The following NTM variants were observed in gnomAD, a reference collection of about 807,000 sequenced individuals.
NTM encodes the protein IgLON family member 2.
NTM carries 13 observed loss-of-function variants against 42.1 expected under a neutral mutation model. That is an observed-to-expected ratio of 0.31 (90% CI 0.20 to 0.49). NTM has a LOEUF of 0.49. Ranked by LOEUF, NTM falls within the 20% of genes least tolerant of loss-of-function variation. The pLI is 0.99. For synonymous variants in NTM, 187 were observed against 179.2 expected, an observed-to-expected ratio of 1.04 and a Z score of -0.35; for missense variants, 373 against 452.8, an observed-to-expected ratio of 0.82 and a Z score of 1.60.
At chr11:131,809,692 G>A (rs2092658483) in intron 1 of NTM, among the ~76,000 whole-genome samples, 1 of 152,130 alleles carries the variant, frequency 6.6e-6, no homozygotes, top group African/African-American at 2.4e-5. Context: ...TTTGATCTGA[G>A]GCAGCTGTCG....
intron 1 of NTM, among the ~76,000 whole-genome samples, chr11:131,447,625 C>T (rs1031360694): frequency 6.6e-6 from 1 of 152,090 alleles, no homozygotes. Flanking sequence ...TATTTGTTTC[C>T]ACGCTGCATT....
chr11:131,878,592 AAAATATATATATATATATATAT>A lies in NTM; in HGVS notation c.83-32970_83-32949del, dbSNP rs1461398462. 2.3e-4 allele frequency among the ~76,000 whole-genome samples: 6 copies of A among 26,290 alleles called. 1 individual carries two copies. The highest frequency in any genetic ancestry group is 5.9e-4 in the Admixed American group (1 of 1,696). The allele number at this position is 26,290 out of a possible 152,430, so 17.2% of individuals were successfully genotyped here. A position where few individuals can be genotyped will look rare whatever the true frequency, so the allele number is the denominator to read the frequency against. On this transcript the variant is annotated intron_variant, in intron 1 of 8. Transcript: ENST00000683400. The stretch of plus-strand genomic sequence containing the variant: ...CTCAAAAAAAAAAAAAAAAAAAAAA[AAAATATATATATATATATATAT>A]ATATATATATATATATATATATATA...
At chr11:132,333,368 C>T (rs746907985) in intron 8 of NTM, among the ~76,000 whole-genome samples, 3 of 152,188 alleles carry the variant, frequency 2.0e-5, no homozygotes, top group East Asian at 1.9e-4. Context: ...TGAAGGCATC[C>T]GGCGGAGGCT....
Position 131,691,039 on chromosome 11 carries a change from G to A in NTM, c.83-220525G>A, listed in dbSNP as rs370087634. On this transcript the variant is annotated intron_variant, in intron 1 of 8. Transcript: ENST00000683400. ...GCGGGGCCTTGCCCTTTCTGGAAGG[G>A]TGTGCGGTCTGGGTGGGCGAGTCTC... Among the ~76,000 whole-genome samples the A allele has an allele frequency of 3.1e-3, 468 of 152,332 alleles. 1 individual carries two copies. Among genetic ancestry groups the A allele is most frequent in the African/African-American group, 0.011 (442 of 41,572 alleles).
intron 2 of NTM, among the ~76,000 whole-genome samples, chr11:132,044,124 GTATA>G (rs1055035651): frequency 4.6e-4 from 21 of 45,696 alleles, no homozygotes; most frequent in African/African-American, 2.5e-3. Context: ...GTATGTGTGT[GTATA>G]TATGTGTGTG....
chr11:131,605,304 T>C (rs1201171343), intron 1 of NTM, among the ~76,000 whole-genome samples: 3 of 152,198 alleles, frequency 2.0e-5, no homozygotes, highest in Non-Finnish European at 4.4e-5. Flanking sequence ...TACTTTACTC[T>C]TTTTGATGTT....
intron 1 of NTM, among the ~76,000 whole-genome samples, chr11:131,821,827 A>G (rs941808371): frequency 1.3e-5 from 2 of 152,154 alleles, no homozygotes; most frequent in African/African-American, 4.8e-5. Context: ...CTGATCCATG[A>G]TAGTTTAGAA....
intron 1 of NTM, among the ~76,000 whole-genome samples, chr11:131,860,704 G>A (rs73587509): frequency 0.031 from 4,776 of 152,276 alleles, 250 homozygotes; most frequent in African/African-American, 0.11. Context: ...ATGCAAGCAG[G>A]CCTTTCTAAG....
In NTM at chr11:131,792,306, G is replaced by C. The variant is rs188512197; in HGVS notation, c.83-119258G>C. ...AAAATATTTGGTGGGTAATGCAACT[G>C]GTTCGTGTCCTGGAGTAAGTTTGGG... On this transcript the variant is annotated intron_variant, in intron 1 of 8. Coordinates refer to ENST00000683400, the MANE Select transcript of NTM (RefSeq NM_001352005.2). Among the ~76,000 whole-genome samples the C allele has an allele frequency of 5.3e-5, 8 of 152,280 alleles. No individual in the cohort carries two copies. In the East Asian group the frequency reaches 1.5e-3, roughly 29 times the overall value.
Position 131,914,313 on chromosome 11 carries a change from C to T in NTM, c.167+2665C>T, listed in dbSNP as rs535361907. On this transcript the variant is annotated intron_variant, in intron 2 of 8. Coordinates refer to ENST00000683400, the MANE Select transcript of NTM (RefSeq NM_001352005.2). ...TTCCATCTATCTTTCTTTCTTCTTC[C>T]GTTTGTTTTTTTCTGTTTTGACTAA... is the stretch of plus-strand genomic sequence containing the variant. Among the ~76,000 whole-genome samples, 14 of 151,958 alleles carry T rather than the reference C, an allele frequency of 9.2e-5. 1 individual carries two copies. The East Asian group carries it at 9.7e-4, about 11-fold the overall frequency.
intron 1 of NTM, among the ~76,000 whole-genome samples, chr11:131,456,704 A>G (rs1171121222): frequency 6.6e-6 from 1 of 152,150 alleles, no homozygotes; most frequent in Non-Finnish European, 1.5e-5. Flanking sequence ...GATAGAGAAA[A>G]TCCTGTCTAC....
intron 1 of NTM, among the ~76,000 whole-genome samples, chr11:131,467,840 G>A (rs1952041039): frequency 6.6e-6 from 1 of 152,226 alleles, no homozygotes; most frequent in South Asian, 2.1e-4. Flanking sequence ...TTTCCAGAGA[G>A]TCTGTGACCT....
intron 6 of NTM, among the ~76,000 whole-genome samples, chr11:132,310,594 T>A (rs1345591935): frequency 2.0e-5 from 3 of 152,072 alleles, no homozygotes; most frequent in Admixed American, 2.0e-4. Context: ...CAGGCTTGCG[T>A]AAAGGAGTTA....
intron 1 of NTM, among the ~76,000 whole-genome samples, chr11:131,569,492 CAT>C (rs752546489): frequency 5.3e-5 from 8 of 151,928 alleles, no homozygotes; most frequent in Non-Finnish European, 1.2e-4. Context: ...CTGGACATTT[CAT>C]ATGTCTTTTA....
intron 1 of NTM, among the ~76,000 whole-genome samples, chr11:131,613,732 AGGAGACGT>A (rs1386421523): frequency 6.6e-6 from 1 of 152,112 alleles, no homozygotes; most frequent in African/African-American, 2.4e-5. Context: ...CCCGGTTCAC[AGGAGACGT>A]GGAGACTCCG....
At chr11:132,090,375 A>G (rs948580035) in intron 2 of NTM, among the ~76,000 whole-genome samples, 1 of 151,950 alleles carries the variant, frequency 6.6e-6, no homozygotes, top group Admixed American at 6.6e-5. Flanking sequence ...AGGTTTTATA[A>G]TCTCCCTTTC....
chr11:131,413,275 T>C (rs1474816576), intron 1 of NTM, among the ~76,000 whole-genome samples: 1 of 152,272 alleles, frequency 6.6e-6, no homozygotes, highest in Non-Finnish European at 1.5e-5. Context: ...AAAATATTTA[T>C]GTATTGAAAG....
intron 2 of NTM, among the ~76,000 whole-genome samples, chr11:132,118,970 ATAG>A (rs2064306680): frequency 6.6e-6 from 1 of 152,116 alleles, no homozygotes; most frequent in Admixed American, 6.5e-5. Flanking sequence ...TAGATAGTGT[ATAG>A]TAGAAGCGCC....
At chr11:131,691,414 T>C (rs1250530836) in intron 1 of NTM, among the ~76,000 whole-genome samples, 1 of 152,132 alleles carries the variant, frequency 6.6e-6, no homozygotes, top group Non-Finnish European at 1.5e-5. Flanking sequence ...GGAGTCCACG[T>C]CACGAGGAGC....
Sources: gnomAD v4.1 joint callset for allele counts (sites outside exome capture counted in the v4.1 genomes callset) on GRCh38, gnomAD v4.1.1 for gene constraint, MANE v1.5 for transcripts, NCBI Gene and HGNC (gene_info 2026-07-23, HGNC 2026-07-21) for gene names.